Variants in RYR3 observed in about 807,000 individuals in gnomAD.
The protein encoded by RYR3 is ryanodine receptor 3, also known as brain ryanodine receptor-calcium release channel.
RYR3 carries 207 observed loss-of-function variants against 584.3 expected under a neutral mutation model. That is an observed-to-expected ratio of 0.35 (90% CI 0.32 to 0.40). The LOEUF (loss-of-function observed/expected upper bound fraction) is 0.40, where lower values mean the gene tolerates loss of function less well. RYR3 is among the 10% of genes least tolerant of loss of function. RYR3 has a pLI of 1.00. For missense variants in RYR3, 5,616 were observed against 6,089.2 expected, an observed-to-expected ratio of 0.92 and a Z score of 2.59; for synonymous variants, 2,416 against 2,248.5, an observed-to-expected ratio of 1.07 and a Z score of -2.11.
intron 1 of RYR3, among the ~76,000 whole-genome samples, chr15:33,379,687 C>CTCTCTATATATATA: frequency 2.4e-5 from 3 of 125,522 alleles, no homozygotes; most frequent in Non-Finnish European, 3.2e-5. Context: ...CTCTCTCTCT[C>CTCTCTATATATATA]TATATATATA....
At chr15:33,655,769 C>T (rs1215428008) in intron 32 of RYR3, among the ~76,000 whole-genome samples, 3 of 152,182 alleles carry the variant, frequency 2.0e-5, no homozygotes, top group Non-Finnish European at 2.9e-5. Context: ...TCATTCCAGG[C>T]GAGACAGTAA....
intron 3 of RYR3, among the ~76,000 whole-genome samples, chr15:33,527,588 A>C (rs1414359326): frequency 1.3e-5 from 2 of 148,996 alleles, no homozygotes; most frequent in Non-Finnish European, 3.0e-5. Context: ...CTCTGTCTCA[A>C]AAAAAAAAAA....
At chr15:33,487,618 G>T (rs1165183507) in intron 2 of RYR3, among the ~76,000 whole-genome samples, 3 of 152,156 alleles carry the variant, frequency 2.0e-5, no homozygotes, top group Non-Finnish European at 4.4e-5. Context: ...ATGGTGGGCT[G>T]GCCCTGTGGT....
rs774475914 is a variant in RYR3 at position 33,652,764 on chromosome 15, G to A, written c.4189G>A (p.Ala1397Thr). The change falls in exon 32 of 104, where the codon GCC (alanine) becomes ACC (threonine). Residue 1397 changes from alanine (A) to threonine (T), a missense_variant. Transcript: ENST00000634891. The stretch of plus-strand genomic sequence containing the variant: ...CATGGTCTGGGGTGGAGACATTGTA[G>A]CCAGTTCCCAGAGATCAAATCGGAG... Reference protein sequence around the residue: ...CYMVWGGDIVASSQRSNRSNV... With the variant: ...CYMVWGGDIVTSSQRSNRSNV... 1.9e-6 allele frequency: 3 copies of A among 1,613,848 alleles called. No homozygotes were observed. Among genetic ancestry groups the A allele is most frequent in the East Asian group, 2.2e-5 (1 of 44,876 alleles).
chr15:33,618,672 A>G (rs571207916), intron 19 of RYR3, among the ~76,000 whole-genome samples: 26 of 152,308 alleles, frequency 1.7e-4, no homozygotes, highest in African/African-American at 6.3e-4. Flanking sequence ...GTGAAACATT[A>G]TCCCAGCTCT....
intron 19 of RYR3, among the ~76,000 whole-genome samples, chr15:33,622,774 G>T (rs887202945): frequency 8.5e-5 from 13 of 152,166 alleles, no homozygotes; most frequent in African/African-American, 3.1e-4. Flanking sequence ...TGGAAAACTG[G>T]TTGTATTTCC....
intron 57 of RYR3, among the ~76,000 whole-genome samples, chr15:33,752,360 G>A (rs1041026197): frequency 6.6e-6 from 1 of 152,178 alleles, no homozygotes; most frequent in African/African-American, 2.4e-5. Context: ...TCCTATTCAT[G>A]AGCATAGAAT....
chr15:33,517,141 C>T (rs905250783), intron 3 of RYR3, among the ~76,000 whole-genome samples: 1 of 152,052 alleles, frequency 6.6e-6, no homozygotes. Context: ...ATTACAGGCG[C>T]GTGCCACCAC....
intron 67 of RYR3, among the ~76,000 whole-genome samples, chr15:33,789,986 C>CCTTTTT (rs2075049995): frequency 1.9e-5 from 1 of 53,250 alleles, no homozygotes; most frequent in Non-Finnish European, 3.1e-5. Context: ...GCCTGGCCTT[C>CCTTTTT]TTTTTTTTTT....
At chr15:33,822,534 C>T (rs1194296479) in intron 80 of RYR3, among the ~76,000 whole-genome samples, 1 of 152,210 alleles carries the variant, frequency 6.6e-6, no homozygotes, top group African/African-American at 2.4e-5. Flanking sequence ...TCTTATGGGG[C>T]CTTTTGTTTA....
chr15:33,358,650 A>G (rs928468598), intron 1 of RYR3, among the ~76,000 whole-genome samples: 1 of 117,764 alleles, frequency 8.5e-6, no homozygotes, highest in Non-Finnish European at 1.8e-5. Context: ...GGGAAGTGGT[A>G]TCGTTAAAAA....
chr15:33,800,593 T>C (rs1285614438), intron 67 of RYR3, among the ~76,000 whole-genome samples, 177 bp from the exon 68 acceptor site: 1 of 152,272 alleles, frequency 6.6e-6, no homozygotes, highest in African/African-American at 2.4e-5. Flanking sequence ...ATTATGTACC[T>C]ATATCTGAAT....
At chr15:33,347,605 C>G (rs750918958) in intron 1 of RYR3, among the ~76,000 whole-genome samples, 5 of 152,058 alleles carry the variant, frequency 3.3e-5, no homozygotes, top group Non-Finnish European at 7.4e-5. Flanking sequence ...CGCCACCATG[C>G]CTGGCTAATT....
chr15:33,628,489 C>T lies in RYR3; in HGVS notation c.2593C>T (p.Leu865=), dbSNP rs374984544. 1 of 1,612,208 alleles carries T rather than the reference C, an allele frequency of 6.2e-7. No homozygotes were observed. The highest frequency in any genetic ancestry group is 1.3e-5 in the African/African-American group (1 of 74,854). Residue 865 remains leucine, a synonymous_variant, in exon 21 of 104, where the codon CTA becomes TTA. Transcript: ENST00000634891. The stretch of plus-strand genomic sequence containing the variant: ...CCTTTAGGTTATTTTGCCACCTCAC[C>T]TAGAAAAGATCCGAGACAGACTAGC... ...DTSQVILPPH[L]EKIRDRLAEN...
intron 17 of RYR3, 143 bp downstream of exon 17, chr15:33,601,695 A>G: frequency 1.2e-6 from 1 of 816,568 alleles, no homozygotes; most frequent in South Asian, 1.8e-5. Flanking sequence ...AAGACCAAGC[A>G]AATGTGCATT....
rs569778018 is a variant in RYR3 at position 33,746,554 on chromosome 15, T to C, written c.7989+397T>C. ...TGGCTCATGCCTGTAATCCTAGCAC[T>C]TTGGGAGACCAAGGTGGGAGGATTG... On this transcript the variant is annotated intron_variant, in intron 53 of 103. Transcript: ENST00000634891. Among the ~76,000 whole-genome samples, 3 of 152,110 alleles carry C rather than the reference T, an allele frequency of 2.0e-5. No homozygotes were observed. In the South Asian group the frequency reaches 6.2e-4, roughly 32 times the overall value.
At chr15:33,778,681 G>A (rs4779646) in intron 64 of RYR3, among the ~76,000 whole-genome samples, 54,943 of 152,174 alleles carry the variant, frequency 0.36, 10,564 homozygotes, top group East Asian at 0.8. Context: ...AGCAGTCTCC[G>A]TCTCTGGGCA....
At chr15:33,790,026 C>T (rs1471240430) in intron 67 of RYR3, among the ~76,000 whole-genome samples, 80 of 72,648 alleles carry the variant, frequency 1.1e-3, no homozygotes, top group Middle Eastern at 0.034. Flanking sequence ...GAGTCTCACT[C>T]TGTCACCCAG....
chr15:33,534,128 C>T (rs932953503), intron 5 of RYR3, among the ~76,000 whole-genome samples: 3 of 152,166 alleles, frequency 2.0e-5, no homozygotes, highest in Non-Finnish European at 4.4e-5. Context: ...GGGCCGGGCA[C>T]GGTGGCTCAT....
Sources: allele counts gnomAD v4.1 joint callset (sites outside exome capture counted in the v4.1 genomes callset), GRCh38; gene constraint gnomAD v4.1.1; transcripts MANE v1.5; gene names NCBI Gene and HGNC (gene_info 2026-07-23, HGNC 2026-07-21).